The following PCDHA5 variants were observed in gnomAD, a reference collection of about 807,000 sequenced individuals.
The protein encoded by PCDHA5 is protocadherin alpha-5.
PCDHA5 carries 43 observed loss-of-function variants against 61.6 expected under a neutral mutation model. The observed-to-expected ratio is 0.70, with a 90% CI of 0.55 to 0.90. The LOEUF (loss-of-function observed/expected upper bound fraction) is 0.90. Among genes scored for constraint, PCDHA5 ranks in the 40% least tolerant of loss-of-function variants. The pLI, the probability that PCDHA5 is intolerant of heterozygous loss-of-function variation, is 0.00. For missense variants in PCDHA5, 1,298 were observed against 1,222.7 expected, an observed-to-expected ratio of 1.06 and a Z score of -0.92; for synonymous variants, 627 against 543.9, an observed-to-expected ratio of 1.15 and a Z score of -2.13.
chr5:140,888,067 T>G (rs1392142536), intron 1 of PCDHA5, among the ~76,000 whole-genome samples: 1 of 152,224 alleles, frequency 6.6e-6, no homozygotes, highest in Admixed American at 6.5e-5. Context: ...CTTTCTTGTC[T>G]GCTAATTTCA....
chr5:140,986,195 A>G (rs1200850544), intron 3 of PCDHA5, among the ~76,000 whole-genome samples: 1 of 152,314 alleles, frequency 6.6e-6, no homozygotes, highest in Non-Finnish European at 1.5e-5. Context: ...TAAATTGGTT[A>G]ATCCTGATTA....
intron 1 of PCDHA5, among the ~76,000 whole-genome samples, chr5:140,838,702 G>A (rs1775843777): frequency 6.6e-6 from 1 of 152,008 alleles, no homozygotes; most frequent in South Asian, 2.1e-4. Context: ...TCGGGAGGCC[G>A]AGGCAGGAGG....
intron 1 of PCDHA5, chr5:140,836,178 G>T (rs2150254808): frequency 1.2e-6 from 2 of 1,613,826 alleles, no homozygotes; most frequent in Non-Finnish European, 1.7e-6. Context: ...TGCAGTTGAC[G>T]CTGACTCAGG....
At chr5:140,875,859 C>G (rs1381473536) in intron 1 of PCDHA5, 1 of 1,614,038 alleles carries the variant, frequency 6.2e-7, no homozygotes, top group Non-Finnish European at 8.5e-7. Flanking sequence ...TTAACGACAA[C>G]CCGCCGGTGT....
At chr5:140,862,824 G>C (rs1205805230) in intron 1 of PCDHA5, 1 of 571,890 alleles carries the variant, frequency 1.7e-6, no homozygotes, top group Non-Finnish European at 3.4e-6. Flanking sequence ...AGGTGAGAGC[G>C]CGCGACGCGG....
rs150544958 is a variant in PCDHA5, at chr5:140,940,065, T to C, written c.2353-38884T>C. ...TATTAGATTCTTAACCAAATATAAA[T>C]ATGTGATATCTTTCTGCTAAATTGA... On this transcript the variant is annotated intron_variant, in intron 1 of 3. Coordinates refer to ENST00000529859, the MANE Select transcript of PCDHA5 (RefSeq NM_018908.3). Among the ~76,000 whole-genome samples the C allele has an allele frequency of 2.1e-3, 313 of 152,364 alleles. 1 individual carries two copies. Among genetic ancestry groups the C allele is most frequent in the African/African-American group, 7.1e-3 (295 of 41,596 alleles).
intron 1 of PCDHA5, chr5:140,867,134 T>C (rs1162274165): frequency 6.6e-6 from 1 of 152,178 alleles, no homozygotes; most frequent in Non-Finnish European, 1.5e-5. Context: ...AAATATGTGA[T>C]ATTATCATTT....
In PCDHA5 at chr5:140,834,765, G is replaced by C. The variant is rs2150225893; in HGVS notation, c.2352+10638G>C. 7 of 1,614,098 alleles carry C rather than the reference G, an allele frequency of 4.3e-6. No homozygotes were observed. The highest frequency in any genetic ancestry group is 5.9e-6 in the Non-Finnish European group (7 of 1,180,028). On this transcript the variant is annotated intron_variant, in intron 1 of 3. Transcript: ENST00000529859. The stretch of plus-strand genomic sequence containing the variant: ...GGACGTGGAGGTGAAGGACATTAAC[G>C]ACAACCCTCCGGTGTTCCCAGCGAC...
At chr5:140,987,431 C>G (rs187493051) in intron 3 of PCDHA5, among the ~76,000 whole-genome samples, 1 of 152,232 alleles carries the variant, frequency 6.6e-6, no homozygotes, top group East Asian at 1.9e-4. Context: ...AGCAGGGGGC[C>G]TTTCCCCATG....
chr5:140,833,430 A>G (rs2150208513), intron 1 of PCDHA5, among the ~76,000 whole-genome samples: 6 of 152,230 alleles, frequency 3.9e-5, no homozygotes, highest in Non-Finnish European at 7.3e-5. Flanking sequence ...GAGATGGCTG[A>G]GCACTGAAAT....
chr5:140,828,949 A>C (rs1770047572), intron 1 of PCDHA5: 1 of 1,614,264 alleles, frequency 6.2e-7, no homozygotes, highest in Non-Finnish European at 8.5e-7. Context: ...GCCTTGTTGC[A>C]GCCATGGTTA....
intron 3 of PCDHA5, among the ~76,000 whole-genome samples, chr5:141,000,421 ATTTTTTTT>A (rs34755515): frequency 1.4e-4 from 4 of 27,978 alleles, no homozygotes; most frequent in African/African-American, 7.1e-4. Flanking sequence ...ATATATATAT[ATTTTTTTT>A]TTTTTTTTTT....
chr5:140,823,351 G>C lies in PCDHA5; in HGVS notation c.1576G>C (p.Glu526Gln), dbSNP rs1272348746. ...CGCGCTGCAGCCGCTGGACCACGAG[G>C]AAGTGGAGCTGCTGCAGTTCCAGGT... ...VYALQPLDHE[E>Q]VELLQFQVSA... Residue 526 changes from glutamate to glutamine, a missense_variant, in exon 1 of 4, where the codon GAA becomes CAA. Coordinates refer to ENST00000529859, the MANE Select transcript of PCDHA5 (RefSeq NM_018908.3). 3 of 1,612,448 alleles carry C rather than the reference G, an allele frequency of 1.9e-6. No homozygotes were observed. The highest frequency in any genetic ancestry group is 2.7e-5 in the African/African-American group (2 of 74,914).
rs149972776 is a variant in PCDHA5, at chr5:140,883,738, C to G, written c.2352+59611C>G. On this transcript the variant is annotated intron_variant, in intron 1 of 3. Transcript: ENST00000529859. The stretch of plus-strand genomic sequence containing the variant: ...CGGACGCACAGGAGAACGCGCTGGT[C>G]TCCTACTCGCTGGTGGAGCGGCGGG... 852 of 1,613,378 alleles carry G rather than the reference C, an allele frequency of 5.3e-4. 5 individuals carry two copies. In the African/African-American group the frequency reaches 9.2e-3, roughly 17 times the overall value.
chr5:140,851,612 A>G, intron 1 of PCDHA5: 1 of 921,118 alleles, frequency 1.1e-6, no homozygotes, highest in Non-Finnish European at 1.3e-6. Context: ...GAAATTGGAG[A>G]AAATGCTTTT....
At chr5:140,952,675 T>A (rs2153696875) in intron 1 of PCDHA5, among the ~76,000 whole-genome samples, 1 of 152,326 alleles carries the variant, frequency 6.6e-6, no homozygotes, top group East Asian at 1.9e-4. Context: ...ACTTTCACAT[T>A]TTCAGGATCT....
chr5:140,848,456 A>T (rs2150410759), intron 1 of PCDHA5: 1 of 1,524,638 alleles, frequency 6.6e-7, no homozygotes, highest in South Asian at 1.2e-5. Flanking sequence ...TCTAATTTGG[A>T]GGCAATTTTC....
intron 1 of PCDHA5, chr5:140,871,169 A>AG: frequency 6.2e-7 from 1 of 1,613,520 alleles, no homozygotes; most frequent in Non-Finnish European, 8.5e-7. Flanking sequence ...GCGAGCCCAG[A>AG]GGCTGCGCTG....
Position 140,846,597 on chromosome 5 carries a change from A to C in PCDHA5, c.2352+22470A>C, listed in dbSNP as rs2150392674. 8.1e-5 allele frequency among the ~76,000 whole-genome samples: 12 copies of C among 148,550 alleles called. 1 individual carries two copies. The East Asian group carries it at 2.3e-3, about 29-fold the overall frequency. On this transcript the variant is annotated intron_variant, in intron 1 of 3. Coordinates refer to ENST00000529859, the MANE Select transcript of PCDHA5 (RefSeq NM_018908.3). ...CACCATGTTAGCCAGGATGGTCTCG[A>C]TCTCCTGACCTCCTGATCCGCCCAC...
Sources: allele counts gnomAD v4.1 joint callset (sites outside exome capture counted in the v4.1 genomes callset), GRCh38; gene constraint gnomAD v4.1.1; transcripts MANE v1.5; gene names NCBI Gene and HGNC (gene_info 2026-07-23, HGNC 2026-07-21).